The following FGD5 variants were observed in gnomAD, a reference collection of about 807,000 sequenced individuals.
FGD5 encodes the protein FYVE, RhoGEF and PH domain-containing protein 5.
FGD5 carries 28 observed loss-of-function variants against 133.4 expected under a neutral mutation model. That is an observed-to-expected ratio of 0.21 (90% CI 0.16 to 0.29). The LOEUF (loss-of-function observed/expected upper bound fraction) is 0.29. Ranked by LOEUF, FGD5 falls within the 10% of genes least tolerant of loss-of-function variation. The pLI is 1.00. For missense variants in FGD5, 1,858 were observed against 1,895.2 expected (o/e 0.98, Z 0.36); for synonymous variants, 810 against 776.5 (o/e 1.04, Z -0.72).
intron 4 of FGD5, among the ~76,000 whole-genome samples, chr3:14,885,885 G>T (rs1337150842): frequency 1.3e-5 from 2 of 152,192 alleles, no homozygotes; most frequent in Non-Finnish European, 2.9e-5. Flanking sequence ...AAAGACCATT[G>T]AGATAGGAGA....
chr3:14,902,506 G>A (rs545594017), intron 9 of FGD5, among the ~76,000 whole-genome samples: 26 of 152,176 alleles, frequency 1.7e-4, no homozygotes, highest in African/African-American at 5.3e-4. Context: ...GAGAGAGGTC[G>A]GGCTGGCTGG....
At chr3:14,871,184 T>C (rs918886423) in intron 2 of FGD5, among the ~76,000 whole-genome samples, 3 of 152,218 alleles carry the variant, frequency 2.0e-5, no homozygotes, top group African/African-American at 7.2e-5. Context: ...GTAGTCTTGT[T>C]CTTCATTCCT....
intron 2 of FGD5, among the ~76,000 whole-genome samples, chr3:14,870,235 T>C (rs1245428009): frequency 1.3e-5 from 2 of 151,378 alleles, no homozygotes; most frequent in East Asian, 3.9e-4. Flanking sequence ...GCGGAGAGAG[T>C]CTGTGAGCCA....
At chr3:14,885,124 T>C (rs981243095) in intron 4 of FGD5, among the ~76,000 whole-genome samples, 1 of 151,872 alleles carries the variant, frequency 6.6e-6, no homozygotes, top group African/African-American at 2.4e-5. Flanking sequence ...TTGACTCTTA[T>C]CTTTTATTCC....
intron 1 of FGD5, among the ~76,000 whole-genome samples, chr3:14,812,099 T>A (rs542206139): frequency 6.6e-6 from 1 of 152,262 alleles, no homozygotes; most frequent in African/African-American, 2.4e-5. Context: ...AGTCATTGTT[T>A]TAGCAGTGAG....
chr3:14,932,501 C>G, intron 18 of FGD5, 76 bp from the exon 19 acceptor site: 1 of 1,508,924 alleles, frequency 6.6e-7, no homozygotes, highest in Non-Finnish European at 8.9e-7. Context: ...CTTCACGCAT[C>G]TCAGATTGGA....
At chr3:14,923,232 C>G (rs1257700624) in intron 16 of FGD5, 57 bp downstream of exon 16, 13 of 1,562,844 alleles carry the variant, frequency 8.3e-6, no homozygotes, top group South Asian at 1.2e-5. Context: ...TCCCCAGGCT[C>G]CAGTGGCTTC....
intron 1 of FGD5, among the ~76,000 whole-genome samples, chr3:14,826,406 G>T (rs146076262): frequency 6.6e-6 from 1 of 152,078 alleles, no homozygotes; most frequent in Admixed American, 6.6e-5. Flanking sequence ...TGAGGACACC[G>T]TGGCCCGAGG....
intron 10 of FGD5, among the ~76,000 whole-genome samples, chr3:14,909,603 C>A (rs1255566064): frequency 6.6e-6 from 1 of 152,166 alleles, no homozygotes; most frequent in East Asian, 1.9e-4. Context: ...TGCAGCCACC[C>A]ACAGAGCAAA....
At chr3:14,867,567 C>T (rs971503769) in intron 2 of FGD5, among the ~76,000 whole-genome samples, 1 of 152,160 alleles carries the variant, frequency 6.6e-6, no homozygotes, top group African/African-American at 2.4e-5. Context: ...GACAGTCCCC[C>T]AAGAGGCTGT....
chr3:14,879,100 CT>C lies in FGD5; in HGVS notation c.2659-1470del, dbSNP rs2037777487. 4.6e-5 allele frequency among the ~76,000 whole-genome samples: 7 copies of C among 152,336 alleles called. No homozygotes were observed. The South Asian group carries it at 1.4e-3, about 32-fold the overall frequency. Reference sequence around the variant, plus strand: ...AGTGGATCACTCACTTGACGAGTGGCTTCTTAAGTTTAGTAACACACAAGGT... The same window carrying C: ...AGTGGATCACTCACTTGACGAGTGGCTCTTAAGTTTAGTAACACACAAGGT... On this transcript the variant is annotated intron_variant, in intron 2 of 19. Transcript: ENST00000285046.
intron 1 of FGD5, among the ~76,000 whole-genome samples, chr3:14,849,213 C>T (rs1575206561): frequency 6.6e-6 from 1 of 152,220 alleles, no homozygotes; most frequent in African/African-American, 2.4e-5. Flanking sequence ...CCACTCCTGC[C>T]ACAGGTGACG....
chr3:14,868,280 C>T (rs11718334), intron 2 of FGD5, among the ~76,000 whole-genome samples: 14,120 of 152,018 alleles, frequency 0.093, 824 homozygotes, highest in East Asian at 0.3. Flanking sequence ...ACCCCCTCCC[C>T]CACCTGAGTC....
In FGD5 at chr3:14,819,774, C is replaced by T; in HGVS notation, c.703C>T (p.Pro235Ser). Reference protein sequence around the residue: ...DPAGADEGSGPDRPTEDMGQD... With the variant: ...DPAGADEGSGSDRPTEDMGQD... The stretch of plus-strand genomic sequence containing the variant: ...AGCAGGGGCAGATGAGGGTTCGGGT[C>T]CTGACAGGCCCACGGAGGACATGGG... The change falls in exon 1 of 20, where the codon CCT (proline) becomes TCT (serine). Residue 235 changes from proline to serine, a missense_variant. Pro to Ser is a moderately conservative substitution (Grantham distance 74, BLOSUM62 -1). Coordinates refer to ENST00000285046, the MANE Select transcript of FGD5 (RefSeq NM_152536.4). This position sits in a 1 kb window ranked among gnomAD's most constrained non-coding sequence, Gnocchi z 4.1. 6.4e-7 allele frequency: 1 copy of T among 1,551,520 alleles called. No individual in the cohort carries two copies. Among genetic ancestry groups the T allele is most frequent in the South Asian group, 1.2e-5 (1 of 82,352 alleles).
At chr3:14,814,449 T>A (rs1183110359), upstream of FGD5, among the ~76,000 whole-genome samples, 1 of 152,210 alleles carries the variant, frequency 6.6e-6, no homozygotes, top group Non-Finnish European at 1.5e-5. Context: ...AACATGATGC[T>A]GAGGTCAGGA....
At chr3:14,876,560 T>C (rs188388) in intron 2 of FGD5, among the ~76,000 whole-genome samples, 6,304 of 152,296 alleles carry the variant, frequency 0.041, 226 homozygotes, top group East Asian at 0.15. Flanking sequence ...CACCCTGTTT[T>C]CTAAAACAAT....
chr3:14,888,185 A>C (rs903065), intron 4 of FGD5, among the ~76,000 whole-genome samples: 80,962 of 149,524 alleles, frequency 0.54, 22,559 homozygotes, highest in African/African-American at 0.61. Context: ...AAAAAAATAC[A>C]GATGCTCAGA....
In FGD5 at chr3:14,922,161, C is replaced by G. The variant is rs2038695655; in HGVS notation, c.3669+144C>G. 7 of 1,017,218 alleles carry G rather than the reference C, an allele frequency of 6.9e-6. No homozygotes were observed. Among genetic ancestry groups the G allele is most frequent in the Non-Finnish European group, 1.0e-5 (7 of 689,662 alleles). The allele number at this position is 1,017,218 out of a possible 1,614,324, so 63.0% of individuals were successfully genotyped here. A position where few individuals can be genotyped will look rare whatever the true frequency, so the allele number is the denominator to read the frequency against. On this transcript the variant is annotated intron_variant, in intron 14 of 19. Coordinates refer to ENST00000285046, the MANE Select transcript of FGD5 (RefSeq NM_152536.4). The surrounding 1 kb of genome is among the most constrained non-coding windows in gnomAD (Gnocchi z 4.1). ...GCTCCCCCCACACCCCTGCCATGCT[C>G]CCACCCTAGTCAGGGGCGGCCTCCG...
intron 2 of FGD5, among the ~76,000 whole-genome samples, chr3:14,873,138 G>T (rs2037643993): frequency 6.6e-6 from 1 of 152,194 alleles, no homozygotes; most frequent in Non-Finnish European, 1.5e-5. Context: ...TAAACTGAAA[G>T]AGGGAAGGAG....
Sources: gnomAD v4.1 joint callset for allele counts (sites outside exome capture counted in the v4.1 genomes callset) on GRCh38, gnomAD v4.1.1 for gene constraint, Gnocchi (gnomAD v3.1) non-coding constraint, MANE v1.5 for transcripts, NCBI Gene and HGNC (gene_info 2026-07-23, HGNC 2026-07-21) for gene names.